FUT9: variants seen among roughly 807,000 people sequenced by gnomAD.
FUT9 encodes the protein 4-galactosyl-N-acetylglucosaminide 3-alpha-L-fucosyltransferase 9.
Under a neutral mutation model 29.7 loss-of-function variants are expected in FUT9, and 15 were observed. The ratio of observed to expected loss-of-function variants is 0.51; its 90% confidence interval spans 0.34 to 0.78. FUT9 has a LOEUF of 0.78. Ranked by LOEUF, FUT9 falls within the 30% of genes least tolerant of loss-of-function variation. FUT9 has a pLI of 0.01. For missense variants in FUT9, 319 were observed against 425.4 expected, an observed-to-expected ratio of 0.75 and a Z score of 2.20; for synonymous variants, 169 against 153.7, an observed-to-expected ratio of 1.10 and a Z score of -0.74.
intron 1 of FUT9, chr6:96,036,802 C>T (rs1770371984): frequency 6.6e-6 from 1 of 151,924 alleles, no homozygotes; most frequent in Admixed American, 6.6e-5. Flanking sequence ...ATCCCACCTT[C>T]CTTTCTGCTT....
intron 1 of FUT9, among the ~76,000 whole-genome samples, chr6:96,019,520 C>A (rs961635838): frequency 1.3e-5 from 2 of 151,882 alleles, no homozygotes; most frequent in Non-Finnish European, 1.5e-5. Flanking sequence ...TTCTATCTTG[C>A]ATTCAGGAGG....
intron 1 of FUT9, among the ~76,000 whole-genome samples, chr6:96,074,480 A>G (rs1771111903): frequency 6.6e-6 from 1 of 152,158 alleles, no homozygotes. Flanking sequence ...GGCTCTTGGA[A>G]GAAACTAAAA....
chr6:96,081,214 A>C (rs1287399394), intron 1 of FUT9, among the ~76,000 whole-genome samples: 1 of 151,776 alleles, frequency 6.6e-6, no homozygotes, highest in South Asian at 2.1e-4. Flanking sequence ...AATATCAATA[A>C]TTTTGAGGCT....
At position 96,116,636 on chromosome 6, in the gene FUT9, A is replaced by G. The variant is rs989684882; in HGVS notation, c.-9+2509A>G. 2.0e-5 allele frequency among the ~76,000 whole-genome samples: 3 copies of G among 152,234 alleles called. No homozygotes were observed. In the South Asian group the frequency reaches 6.2e-4, roughly 31 times the overall value. ...AGGAAAGTATTGATTTATGCATATC[A>G]TGGATGAACGTTTTAGTGCATCTTG... On this transcript the variant is annotated intron_variant, in intron 2 of 2. Transcript: ENST00000302103.
At chr6:96,033,911 TACAC>T (rs916370047) in intron 1 of FUT9, among the ~76,000 whole-genome samples, 2 of 150,728 alleles carry the variant, frequency 1.3e-5, no homozygotes, top group Non-Finnish European at 3.0e-5. Flanking sequence ...TATACACAAA[TACAC>T]ACACACACAT....
chr6:96,177,873 T>A (rs1773233437), intron 2 of FUT9, among the ~76,000 whole-genome samples: 1 of 152,184 alleles, frequency 6.6e-6, no homozygotes, highest in Non-Finnish European at 1.5e-5. Flanking sequence ...AAGAACTAGT[T>A]ATTCTTAAAA....
At chr6:96,063,301 G>GT (rs1770907617) in intron 1 of FUT9, among the ~76,000 whole-genome samples, 1 of 152,144 alleles carries the variant, frequency 6.6e-6, no homozygotes, top group Non-Finnish European at 1.5e-5. Context: ...TGTTTTACAG[G>GT]AAGTATGGTG....
chr6:96,213,739 A>AT lies in FUT9; in HGVS notation c.*9511dup, dbSNP rs34697788. The AT allele has an allele frequency of 6.0e-6, 1 of 166,756 alleles. No individual in the cohort carries two copies. Among genetic ancestry groups the AT allele is most frequent in the African/African-American group, 2.4e-5 (1 of 41,398 alleles). 10.3% of individuals were successfully genotyped at this position (166,756 alleles called of 1,614,324 possible). The stretch of plus-strand genomic sequence containing the variant: ...TTGATCAGAAATCATTTTTCTACTT[A>AT]TTTTTTTGTAGAGTATTTTTCCACA... On this transcript the variant is annotated 3_prime_UTR_variant, in exon 3 of 3. Transcript: ENST00000302103.
rs981450607 is a variant in FUT9, at chr6:96,212,506, T to C, written c.*8271T>C. 4 of 408,258 alleles carry C rather than the reference T, an allele frequency of 9.8e-6. No individual in the cohort carries two copies. The highest frequency in any genetic ancestry group is 1.3e-5 in the Non-Finnish European group (3 of 223,040). The allele number at this position is 408,258 out of a possible 1,614,324, so 25.3% of individuals were successfully genotyped here. On this transcript the variant is annotated 3_prime_UTR_variant, in exon 3 of 3. Coordinates refer to ENST00000302103, the MANE Select transcript of FUT9 (RefSeq NM_006581.4). ...ATTAATCAAAAAACAAAGACTATCA[T>C]ATTTGAGAACAAGATTTTACTTAGA...
At chr6:96,136,769 G>T (rs1161394936) in intron 2 of FUT9, among the ~76,000 whole-genome samples, 3 of 151,950 alleles carry the variant, frequency 2.0e-5, no homozygotes, top group Non-Finnish European at 4.4e-5. Context: ...GAGGGTAGCA[G>T]CATTGTGGGA....
In FUT9 at chr6:96,113,629, G is replaced by A. The variant is rs557915796; in HGVS notation, c.-97-410G>A. Among the ~76,000 whole-genome samples, 5 of 151,878 alleles carry A rather than the reference G, an allele frequency of 3.3e-5. No individual in the cohort carries two copies. In the East Asian group the frequency reaches 9.9e-4, roughly 30 times the overall value. ...CCAGCACTTTGGGAGGCCGAGGCGGGCGGATCACGTCAGGAGATCAAGACC... is the reference window on the plus strand; with the variant it reads ...CCAGCACTTTGGGAGGCCGAGGCGGACGGATCACGTCAGGAGATCAAGACC... On this transcript the variant is annotated intron_variant, in intron 1 of 2. Coordinates refer to ENST00000302103, the MANE Select transcript of FUT9 (RefSeq NM_006581.4).
At position 96,093,647 on chromosome 6, in the gene FUT9, C is replaced by G. The variant is rs781077127; in HGVS notation, c.-97-20392C>G. 7.9e-5 allele frequency among the ~76,000 whole-genome samples: 12 copies of G among 152,184 alleles called. No homozygotes were observed. In the South Asian group the frequency reaches 2.1e-3, roughly 26 times the overall value. On this transcript the variant is annotated intron_variant, in intron 1 of 2. Transcript: ENST00000302103. ...GAATTTAAATATGTATTTCTCCATG[C>G]CCATATTATTTATGAGCAAATAATC...
At chr6:96,139,609 G>A (rs912656762) in intron 2 of FUT9, among the ~76,000 whole-genome samples, 1 of 152,122 alleles carries the variant, frequency 6.6e-6, no homozygotes, top group Non-Finnish European at 1.5e-5. Flanking sequence ...CTTCTGCCTG[G>A]ACATCCAGGC....
intron 1 of FUT9, among the ~76,000 whole-genome samples, chr6:96,077,185 T>C (rs78816596): frequency 0.085 from 12,935 of 152,076 alleles, 883 homozygotes; most frequent in Admixed American, 0.21. Context: ...TTTGACTTTG[T>C]GTTATGGTAA....
chr6:96,028,126 G>A (rs576802855), intron 1 of FUT9, among the ~76,000 whole-genome samples: 5 of 151,572 alleles, frequency 3.3e-5, no homozygotes, highest in Non-Finnish European at 7.4e-5. Context: ...AAGAAAAGAG[G>A]AAGATATCAA....
At chr6:96,090,307 T>C (rs1771389858) in intron 1 of FUT9, among the ~76,000 whole-genome samples, 1 of 151,986 alleles carries the variant, frequency 6.6e-6, no homozygotes, top group Admixed American at 6.6e-5. Flanking sequence ...TGTTTATGAA[T>C]TAAGGAAGAA....
chr6:96,095,751 G>A lies in FUT9; in HGVS notation c.-97-18288G>A, dbSNP rs951818947. 5.3e-5 allele frequency among the ~76,000 whole-genome samples: 8 copies of A among 152,152 alleles called. No homozygotes were observed. In the East Asian group the frequency reaches 9.7e-4, roughly 18 times the overall value. ...ATCAAATTTCATGTTGGGCATTATGGCTAAGAGGACAGACCTTTGCACCAG... is the reference window on the plus strand; with the variant it reads ...ATCAAATTTCATGTTGGGCATTATGACTAAGAGGACAGACCTTTGCACCAG... On this transcript the variant is annotated intron_variant, in intron 1 of 2. Transcript: ENST00000302103.
chr6:96,156,193 C>T (rs1772781622), intron 2 of FUT9, among the ~76,000 whole-genome samples: 1 of 152,184 alleles, frequency 6.6e-6, no homozygotes, highest in African/African-American at 2.4e-5. Flanking sequence ...TTCCTTCCAA[C>T]TGGCAAATAC....
At chr6:96,118,102 G>C (rs998291473) in intron 2 of FUT9, among the ~76,000 whole-genome samples, 1 of 152,016 alleles carries the variant, frequency 6.6e-6, no homozygotes, top group Non-Finnish European at 1.5e-5. Flanking sequence ...CTACTGGGAA[G>C]GCTGAGGCAG....
Sources: gnomAD v4.1 joint callset for allele counts (sites outside exome capture counted in the v4.1 genomes callset) on GRCh38, gnomAD v4.1.1 for gene constraint, MANE v1.5 for transcripts, NCBI Gene and HGNC (gene_info 2026-07-23, HGNC 2026-07-21) for gene names.